The following DLG2 variants were observed in gnomAD, a reference collection of about 807,000 sequenced individuals.
DLG2 encodes the protein discs large MAGUK scaffold protein 2, also known as disks large homolog 2.
Under a neutral mutation model 132.5 loss-of-function variants are expected in DLG2, and 45 were observed. The observed-to-expected ratio is 0.34, with a 90% CI of 0.27 to 0.44. DLG2 has a LOEUF of 0.44. DLG2 is among the 20% of genes least tolerant of loss of function. DLG2 has a pLI of 1.00. For missense variants in DLG2, 1,045 were observed against 1,196.9 expected (o/e 0.87, Z 1.87); for synonymous variants, 424 against 419.6 (o/e 1.01, Z -0.13).
intron 6 of DLG2, among the ~76,000 whole-genome samples, chr11:84,880,197 A>T (rs1308594604): frequency 6.6e-6 from 1 of 152,104 alleles, no homozygotes; most frequent in South Asian, 2.1e-4. Flanking sequence ...CACAAGGATA[A>T]CCCTAAGCCT....
intron 20 of DLG2, among the ~76,000 whole-genome samples, chr11:83,538,818 C>G (rs934380906): frequency 6.6e-6 from 1 of 152,192 alleles, no homozygotes; most frequent in African/African-American, 2.4e-5. Flanking sequence ...CATGTTGGTC[C>G]CACAAGTGAT....
intron 6 of DLG2, among the ~76,000 whole-genome samples, chr11:85,047,420 A>G (rs537132363): frequency 2.4e-4 from 36 of 152,128 alleles, no homozygotes; most frequent in African/African-American, 8.2e-4. Context: ...CCAAGAGTTC[A>G]TATGTAGAGT....
intron 6 of DLG2, among the ~76,000 whole-genome samples, chr11:84,996,927 G>T (rs551328307): frequency 3.9e-5 from 6 of 152,272 alleles, no homozygotes; most frequent in African/African-American, 1.4e-4. Flanking sequence ...ATTCATTAAA[G>T]TTACCAGCCT....
chr11:84,550,741 C>T lies in DLG2; in HGVS notation c.358-16010G>A, dbSNP rs543900421. 3.3e-5 allele frequency among the ~76,000 whole-genome samples: 5 copies of T among 152,220 alleles called. No homozygotes were observed. In the East Asian group the frequency reaches 5.8e-4, roughly 18 times the overall value. ...TAAAGTTCCTTCCTAGTGGGAAGCA[C>T]CATTATTCATTCATCCAACAGAATG... On this transcript the variant is annotated intron_variant, in intron 6 of 27. Coordinates refer to ENST00000376104, the MANE Select transcript of DLG2 (RefSeq NM_001142699.3).
At chr11:83,527,196 T>C (rs1035057816) in intron 21 of DLG2, among the ~76,000 whole-genome samples, 7 of 152,220 alleles carry the variant, frequency 4.6e-5, no homozygotes, top group Admixed American at 6.5e-5. Context: ...TTTAAGTTTA[T>C]GCCCAAGTTA....
intron 6 of DLG2, among the ~76,000 whole-genome samples, chr11:84,653,323 T>C (rs1334381597): frequency 1.3e-5 from 2 of 152,184 alleles, no homozygotes; most frequent in African/African-American, 4.8e-5. Flanking sequence ...AACTGAAGGC[T>C]CTTTCAAAAA....
intron 6 of DLG2, among the ~76,000 whole-genome samples, chr11:85,094,667 C>T (rs1190454481): frequency 6.6e-6 from 1 of 152,208 alleles, no homozygotes; most frequent in Non-Finnish European, 1.5e-5. Flanking sequence ...CTGGATTAGG[C>T]TTTGGTTTAA....
chr11:85,436,372 A>G (rs912481311), intron 3 of DLG2, among the ~76,000 whole-genome samples: 2 of 152,140 alleles, frequency 1.3e-5, no homozygotes, highest in Admixed American at 1.3e-4. Context: ...GCAAACAACC[A>G]TCCTACAGAA....
chr11:84,040,880 A>G (rs941665898), intron 11 of DLG2, among the ~76,000 whole-genome samples: 28 of 151,698 alleles, frequency 1.8e-4, no homozygotes, highest in Admixed American at 3.3e-4. Flanking sequence ...ATTTGTTTGT[A>G]TCCTCTTTTA....
intron 3 of DLG2, among the ~76,000 whole-genome samples, chr11:85,482,375 G>A (rs935754812): frequency 6.6e-6 from 1 of 152,046 alleles, no homozygotes; most frequent in African/African-American, 2.4e-5. Flanking sequence ...GGCCTTCCCA[G>A]TGCAAGGCCA....
At chr11:83,868,813 C>T (rs927329742) in intron 16 of DLG2, among the ~76,000 whole-genome samples, 1 of 152,152 alleles carries the variant, frequency 6.6e-6, no homozygotes, top group Non-Finnish European at 1.5e-5. Context: ...CCCAACACTA[C>T]TTAGCACTAC....
At chr11:84,101,609 A>G (rs1308725975) in intron 9 of DLG2, among the ~76,000 whole-genome samples, 1 of 152,124 alleles carries the variant, frequency 6.6e-6, no homozygotes, top group Non-Finnish European at 1.5e-5. Context: ...ATTGTCAAGT[A>G]TGTAGCCATG....
intron 19 of DLG2, among the ~76,000 whole-genome samples, chr11:83,549,113 G>A (rs571967418): frequency 6.6e-6 from 1 of 152,238 alleles, no homozygotes; most frequent in Non-Finnish European, 1.5e-5. Context: ...TTGAAGTTGA[G>A]GCCTCTGCTT....
At chr11:84,468,230 G>A (rs1440038096) in intron 7 of DLG2, among the ~76,000 whole-genome samples, 1 of 151,534 alleles carries the variant, frequency 6.6e-6, no homozygotes, top group African/African-American at 2.4e-5. Flanking sequence ...TTATTGGGTT[G>A]AGTGGATAAC....
intron 6 of DLG2, among the ~76,000 whole-genome samples, chr11:84,903,463 C>A (rs879566926): frequency 6.6e-6 from 1 of 152,088 alleles, no homozygotes; most frequent in Non-Finnish European, 1.5e-5. Flanking sequence ...ATGATATAAG[C>A]ACATAGGTAC....
chr11:84,280,989 G>A (rs1331013383), intron 7 of DLG2, among the ~76,000 whole-genome samples: 1 of 150,024 alleles, frequency 6.7e-6, no homozygotes, highest in Non-Finnish European at 1.5e-5. Context: ...CCAAAGTGCT[G>A]GGATTACAGG....
chr11:83,509,668 T>C (rs2094908143), intron 21 of DLG2, among the ~76,000 whole-genome samples: 1 of 152,194 alleles, frequency 6.6e-6, no homozygotes. Context: ...TGTGAGTTAG[T>C]GTATGTTGTA....
intron 6 of DLG2, among the ~76,000 whole-genome samples, chr11:85,078,664 TAGG>T (rs1332932030): frequency 1.3e-5 from 2 of 152,020 alleles, no homozygotes; most frequent in Admixed American, 1.3e-4. Context: ...GACATTTTGG[TAGG>T]AGAAGAAGAA....
intron 6 of DLG2, among the ~76,000 whole-genome samples, chr11:84,544,239 T>A (rs2099385051): frequency 6.6e-6 from 1 of 152,194 alleles, no homozygotes; most frequent in Admixed American, 6.5e-5. Context: ...AAGTTAACTG[T>A]TTAATTCTAA....
Sources: allele counts gnomAD v4.1 joint callset (sites outside exome capture counted in the v4.1 genomes callset), GRCh38; gene constraint gnomAD v4.1.1; transcripts MANE v1.5; gene names NCBI Gene and HGNC (gene_info 2026-07-23, HGNC 2026-07-21).